The following PCDHGA2 variants were observed in gnomAD, a reference collection of about 807,000 sequenced individuals.
PCDHGA2 encodes protocadherin gamma subfamily A, 2, also known as protocadherin gamma-A2.
A neutral mutation model predicts 59.2 loss-of-function variants in PCDHGA2; 40 were observed. The observed-to-expected ratio is 0.68, with a 90% confidence interval of 0.52 to 0.88. The LOEUF (loss-of-function observed/expected upper bound fraction) is 0.88, where lower values mean the gene tolerates loss of function less well. Among genes scored for constraint, PCDHGA2 ranks in the 40% least tolerant of loss-of-function variants. The pLI is 0.00. For synonymous variants in PCDHGA2, 560 were observed against 526.0 expected, an observed-to-expected ratio of 1.06 and a Z score of -0.89; for missense variants, 1,226 against 1,204.0, an observed-to-expected ratio of 1.02 and a Z score of -0.27.
intron 1 of PCDHGA2, chr5:141,351,138 A>G (rs1414604500): frequency 1.9e-6 from 3 of 1,614,024 alleles, no homozygotes; most frequent in East Asian, 2.2e-5. Flanking sequence ...CTCAATCCAA[A>G]TACTGGCGAC....
At chr5:141,468,783 G>A (rs908838744) in intron 1 of PCDHGA2, among the ~76,000 whole-genome samples, 7 of 151,460 alleles carry the variant, frequency 4.6e-5, no homozygotes, top group South Asian at 2.1e-4. Context: ...GGAGAATGGC[G>A]TGAACCCGGG....
At chr5:141,441,073 G>A (rs1591647632) in intron 1 of PCDHGA2, 1 of 152,152 alleles carries the variant, frequency 6.6e-6, no homozygotes, top group Non-Finnish European at 1.5e-5. Flanking sequence ...AATTTCCATG[G>A]TTTTGGTAGC....
chr5:141,402,973 C>T (rs779898665), intron 1 of PCDHGA2: 4 of 1,608,044 alleles, frequency 2.5e-6, no homozygotes, highest in Non-Finnish European at 2.5e-6. Context: ...CAACCAAATG[C>T]CAGCTCCGCG....
Position 141,477,114 on chromosome 5 carries a change from G to C in PCDHGA2, c.2425-17693G>C. ...AAAGACAAGGGCGCCAATCCCGAAG[G>C]AGCACATTGCAAAGTGTTGGTGGAG... is the stretch of plus-strand genomic sequence containing the variant. On this transcript the variant is annotated intron_variant, in intron 1 of 3. Coordinates refer to ENST00000394576, the MANE Select transcript of PCDHGA2 (RefSeq NM_018915.4). This position sits in a 1 kb window ranked among gnomAD's most constrained non-coding sequence, Gnocchi z 4.9. 4.3e-6 allele frequency: 7 copies of C among 1,614,234 alleles called. No homozygotes were observed. Among genetic ancestry groups the C allele is most frequent in the Non-Finnish European group, 5.9e-6 (7 of 1,180,046 alleles).
At chr5:141,345,820 G>A (rs1757647964) in intron 1 of PCDHGA2, 1 of 1,612,038 alleles carries the variant, frequency 6.2e-7, no homozygotes, top group Non-Finnish European at 8.5e-7. Context: ...GCGGTGGACA[G>A]AGACTCGGGC....
intron 1 of PCDHGA2, chr5:141,384,561 C>T (rs778010622): frequency 3.7e-6 from 6 of 1,614,254 alleles, no homozygotes; most frequent in Admixed American, 3.3e-5. Context: ...TCGTGCTGGA[C>T]CAGAATGACA....
chr5:141,371,124 C>G, intron 1 of PCDHGA2: 1 of 1,613,998 alleles, frequency 6.2e-7, no homozygotes, highest in Non-Finnish European at 8.5e-7. Context: ...AGTATTTACT[C>G]AGGACATGTA....
Position 141,489,458 on chromosome 5 carries a change from G to T in PCDHGA2, c.2425-5349G>T, listed in dbSNP as rs143138320. 1 of 1,613,924 alleles carries T rather than the reference G, an allele frequency of 6.2e-7. No homozygotes were observed. Among genetic ancestry groups the T allele is most frequent in the Non-Finnish European group, 8.5e-7 (1 of 1,180,000 alleles). On this transcript the variant is annotated intron_variant, in intron 1 of 3. Coordinates refer to ENST00000394576, the MANE Select transcript of PCDHGA2 (RefSeq NM_018915.4). The surrounding 1 kb of genome is among the most constrained non-coding windows in gnomAD (Gnocchi z 4.5). ...CAATTGGGCTCTGAGGAGAATGGGC[G>T]CTATTTTTCCCTGAGCTTGATGAGT...
chr5:141,491,602 A>T lies in PCDHGA2; in HGVS notation c.2425-3205A>T. On this transcript the variant is annotated intron_variant, in intron 1 of 3. Transcript: ENST00000394576. The surrounding 1 kb of genome is among the most constrained non-coding windows in gnomAD (Gnocchi z 6.9). ...ACCGGCCTCGGACGGCAGTGACTTC[A>T]CTTTTCTAAGACCCCTCAGCGTTCA... is the stretch of plus-strand genomic sequence containing the variant. The T allele has an allele frequency of 6.2e-7, 1 of 1,613,838 alleles. No individual in the cohort carries two copies. Among genetic ancestry groups the T allele is most frequent in the Non-Finnish European group, 8.5e-7 (1 of 1,180,016 alleles).
At chr5:141,343,813 G>C (rs959849362) in intron 1 of PCDHGA2, 4 of 472,472 alleles carry the variant, frequency 8.5e-6, no homozygotes, top group African/African-American at 8.0e-5. Context: ...GGAGAACGCA[G>C]CTGGAGAACT....
At chr5:141,400,303 G>T (rs2094000375) in intron 1 of PCDHGA2, 1 of 1,613,908 alleles carries the variant, frequency 6.2e-7, no homozygotes, top group Non-Finnish European at 8.5e-7. Context: ...CTTCCAACCT[G>T]GTCTCTGTGT....
At chr5:141,365,050 C>A (rs1763704245) in intron 1 of PCDHGA2, 1 of 1,613,882 alleles carries the variant, frequency 6.2e-7, no homozygotes, top group African/African-American at 1.3e-5. Flanking sequence ...ACAATGCGCC[C>A]CTGTTCACCC....
chr5:141,382,081 G>A (rs933434638), intron 1 of PCDHGA2, among the ~76,000 whole-genome samples: 12 of 151,852 alleles, frequency 7.9e-5, no homozygotes, highest in Non-Finnish European at 1.6e-4. Context: ...CGCCCGCCTC[G>A]GCCTCACAAA....
At chr5:141,364,501 G>A in intron 1 of PCDHGA2, 1 of 1,614,044 alleles carries the variant, frequency 6.2e-7, no homozygotes, top group Non-Finnish European at 8.5e-7. Context: ...TGGAGCCCCA[G>A]GAGCTGGCGG....
rs768206517 is a variant in PCDHGA2 at position 141,432,482 on chromosome 5, G to C, written c.2425-62325G>C. 6.2e-7 allele frequency: 1 copy of C among 1,614,178 alleles called. No individual in the cohort carries two copies. Among genetic ancestry groups the C allele is most frequent in the South Asian group, 1.1e-5 (1 of 91,074 alleles). ...CCTCCCCACGGACGGTTCCACTGGC[G>C]TGGAGCTGGCTCCCCGCTCCGCAGA... On this transcript the variant is annotated intron_variant, in intron 1 of 3. Coordinates refer to ENST00000394576, the MANE Select transcript of PCDHGA2 (RefSeq NM_018915.4). The surrounding 1 kb of genome is among the most constrained non-coding windows in gnomAD (Gnocchi z 6.0).
chr5:141,433,001 G>T, intron 1 of PCDHGA2: 1 of 1,614,156 alleles, frequency 6.2e-7, no homozygotes, highest in African/African-American at 1.3e-5. Flanking sequence ...CGGGGTGCAG[G>T]CTTTCCTGCA....
At chr5:141,346,221 G>C in intron 1 of PCDHGA2, 1 of 1,614,218 alleles carries the variant, frequency 6.2e-7, no homozygotes, top group East Asian at 2.2e-5. Flanking sequence ...GGCTTCGGGA[G>C]GCGGCTTGGC....
In PCDHGA2 at chr5:141,427,737, G is replaced by C. The variant is rs1460682938; in HGVS notation, c.2425-67070G>C. 2.5e-6 allele frequency: 3 copies of C among 1,223,986 alleles called. No homozygotes were observed. The African/African-American group carries it at 4.4e-5, about 18-fold the overall frequency. 75.8% of individuals were successfully genotyped at this position (1,223,986 alleles called of 1,614,324 possible). A position where few individuals can be genotyped will look rare whatever the true frequency, so the allele number is the denominator to read the frequency against. On this transcript the variant is annotated intron_variant, in intron 1 of 3. Coordinates refer to ENST00000394576, the MANE Select transcript of PCDHGA2 (RefSeq NM_018915.4). The stretch of plus-strand genomic sequence containing the variant: ...CCTGGACCTAGGGCTGAATGGCCAA[G>C]TCTCCTACTCCATCGTTACCACTGA...
At chr5:141,384,243 C>T in intron 1 of PCDHGA2, 1 of 1,613,880 alleles carries the variant, frequency 6.2e-7, no homozygotes, top group Non-Finnish European at 8.5e-7. Context: ...CCAACGATAA[C>T]CCACCCACCT....
Sources: allele counts gnomAD v4.1 joint callset (sites outside exome capture counted in the v4.1 genomes callset), GRCh38; gene constraint gnomAD v4.1.1; non-coding constraint Gnocchi (gnomAD v3.1); transcripts MANE v1.5; gene names NCBI Gene and HGNC (gene_info 2026-07-23, HGNC 2026-07-21).